UBE2D3: variants seen among roughly 807,000 people sequenced by gnomAD.
UBE2D3 encodes the protein ubiquitin conjugating enzyme E2 D3.
A neutral mutation model predicts 22.8 loss-of-function variants in UBE2D3; 2 were observed. The ratio of observed to expected loss-of-function variants is 0.09; its 90% CI spans 0.04 to 0.28. The LOEUF (loss-of-function observed/expected upper bound fraction) is 0.28. Among genes scored for constraint, UBE2D3 ranks in the 10% least tolerant of loss-of-function variants. The pLI is 1.00. For synonymous variants in UBE2D3, 56 were observed against 60.4 expected (o/e 0.93, Z 0.34); for missense variants, 27 against 182.5 (o/e 0.15, Z 4.91).
At chr4:102,820,961 A>C (rs568763075) in intron 2 of UBE2D3, among the ~76,000 whole-genome samples, 2 of 152,184 alleles carry the variant, frequency 1.3e-5, no homozygotes, top group Non-Finnish European at 2.9e-5. Flanking sequence ...ATTATGTTGA[A>C]AGTATCATTA....
chr4:102,801,606 C>T lies in UBE2D3; in HGVS notation c.199-47G>A, dbSNP rs774492407. 41 of 1,424,114 alleles carry T rather than the reference C, an allele frequency of 2.9e-5. No individual in the cohort carries two copies. The African/African-American group carries it at 5.1e-4, about 18-fold the overall frequency. The allele number at this position is 1,424,114 out of a possible 1,614,324, so 88.2% of individuals were successfully genotyped here. On this transcript the variant is annotated intron_variant, in intron 5 of 7. Transcript: ENST00000453744. ...ATTTTATTCAAATAAAAACAAACAT[C>T]TTTTAAAGCAAAACTTAAAATAATC...
chr4:102,803,180 G>A (rs911887787), intron 4 of UBE2D3, among the ~76,000 whole-genome samples: 2 of 152,114 alleles, frequency 1.3e-5, no homozygotes, highest in Admixed American at 1.3e-4. Flanking sequence ...TTATGCATGA[G>A]AAAAATGAGG....
intron 2 of UBE2D3, chr4:102,811,009 A>T (rs971902498): frequency 6.6e-6 from 1 of 152,200 alleles, no homozygotes; most frequent in Non-Finnish European, 1.5e-5. Context: ...CCTTTCTCAT[A>T]TAAACACGGA....
At chr4:102,832,007 A>G (rs572049051), upstream of UBE2D3, among the ~76,000 whole-genome samples, 1 of 152,324 alleles carries the variant, frequency 6.6e-6, no homozygotes, top group South Asian at 2.1e-4. Context: ...CATCTATAAG[A>G]AAGTCTCTTG....
rs969274899 is a variant in UBE2D3 at position 102,816,787 on chromosome 4, T to C, written c.25-6932A>G. 3.9e-5 allele frequency among the ~76,000 whole-genome samples: 6 copies of C among 152,282 alleles called. No individual in the cohort carries two copies. In the South Asian group the frequency reaches 1.2e-3, roughly 32 times the overall value. ...TCTAAAATGAAAATGTAATGTTAAT[T>C]TCACCATCAAAACATTCATTCATTC... On this transcript the variant is annotated intron_variant, in intron 2 of 7. Coordinates refer to ENST00000453744, the MANE Select transcript of UBE2D3 (RefSeq NM_181891.3).
intron 1 of UBE2D3, among the ~76,000 whole-genome samples, chr4:102,853,416 G>A (rs566706885): frequency 1.8e-4 from 27 of 152,078 alleles, no homozygotes; most frequent in Non-Finnish European, 2.5e-4. Flanking sequence ...AAAAGCTGAA[G>A]ACTGAAAACA....
intron 1 of UBE2D3, among the ~76,000 whole-genome samples, chr4:102,855,146 T>C (rs1278120981): frequency 6.6e-6 from 1 of 152,192 alleles, no homozygotes; most frequent in Non-Finnish European, 1.5e-5. Flanking sequence ...AGAGAAACAG[T>C]AGCAAAGAGA....
At chr4:102,840,017 A>G (rs1464495327) in intron 1 of UBE2D3, among the ~76,000 whole-genome samples, 1 of 152,250 alleles carries the variant, frequency 6.6e-6, no homozygotes, top group African/African-American at 2.4e-5. Flanking sequence ...CAATAAGTAT[A>G]TGAAAAATGT....
chr4:102,827,797 T>TG (rs575423884), upstream of UBE2D3: 95 of 980,438 alleles, frequency 9.7e-5, no homozygotes, highest in South Asian at 1.2e-3. Context: ...GATCATGAGC[T>TG]GGGGGGAGGG....
chr4:102,813,925 AAGG>A (rs1728425348), intron 2 of UBE2D3, among the ~76,000 whole-genome samples: 2 of 152,228 alleles, frequency 1.3e-5, no homozygotes, highest in African/African-American at 4.8e-5. Context: ...TAGAGTAGAC[AAGG>A]AGAATTGTCC....
chr4:102,819,669 C>A (rs1380414746), intron 2 of UBE2D3: 1 of 849,528 alleles, frequency 1.2e-6, no homozygotes, highest in East Asian at 1.2e-4. Context: ...AGGCCAAGTT[C>A]ATGGATTCTA....
intron 1 of UBE2D3, among the ~76,000 whole-genome samples, chr4:102,838,302 G>C (rs1191544660): frequency 2.6e-5 from 4 of 152,146 alleles, no homozygotes; most frequent in African/African-American, 9.7e-5. Context: ...GTATCTGCAT[G>C]GTGGAAGTAT....
chr4:102,817,167 T>C (rs1026221734), intron 2 of UBE2D3, among the ~76,000 whole-genome samples: 1 of 152,216 alleles, frequency 6.6e-6, no homozygotes, highest in Non-Finnish European at 1.5e-5. Flanking sequence ...GAACAAATAC[T>C]GCAGAGTTTG....
rs537301153 is a variant in UBE2D3 at position 102,815,931 on chromosome 4, T to C, written c.25-6076A>G. Among the ~76,000 whole-genome samples, 28 of 152,340 alleles carry C rather than the reference T, an allele frequency of 1.8e-4. No homozygotes were observed. The South Asian group carries it at 5.4e-3, about 29-fold the overall frequency. ...CCATTTAAATAGTATCTAATATTAC[T>C]ATTTAAAGTACCACTTAGTACCCAA... On this transcript the variant is annotated intron_variant, in intron 2 of 7. Coordinates refer to ENST00000453744, the MANE Select transcript of UBE2D3 (RefSeq NM_181891.3).
chr4:102,834,791 T>C (rs1731303019), intron 1 of UBE2D3, among the ~76,000 whole-genome samples: 1 of 151,096 alleles, frequency 6.6e-6, no homozygotes, highest in Admixed American at 6.6e-5. Flanking sequence ...TTGTCTTTTG[T>C]TTGTTTTGAG....
intron 1 of UBE2D3, among the ~76,000 whole-genome samples, chr4:102,839,389 C>T (rs1301899675): frequency 6.6e-6 from 1 of 152,108 alleles, no homozygotes; most frequent in African/African-American, 2.4e-5. Flanking sequence ...ACCTCAGCCA[C>T]CACCACCAAA....
intron 4 of UBE2D3, chr4:102,809,449 G>C (rs1727603449): frequency 1.8e-6 from 1 of 543,728 alleles, no homozygotes; most frequent in Non-Finnish European, 3.3e-6. Flanking sequence ...GTAGGTCATA[G>C]AGATGGCTAT....
intron 1 of UBE2D3, among the ~76,000 whole-genome samples, chr4:102,868,072 CTTT>C (rs11418599): frequency 2.6e-5 from 3 of 115,262 alleles, no homozygotes; most frequent in Non-Finnish European, 1.7e-5. Flanking sequence ...GCTTTAGATT[CTTT>C]TTTTTTTTTT....
chr4:102,856,248 C>G (rs1239593967), intron 1 of UBE2D3, among the ~76,000 whole-genome samples: 1 of 152,160 alleles, frequency 6.6e-6, no homozygotes, highest in Non-Finnish European at 1.5e-5. Flanking sequence ...AGCCTGTGAT[C>G]CCAGCTACTC....
Sources: allele counts gnomAD v4.1 joint callset (sites outside exome capture counted in the v4.1 genomes callset), GRCh38; gene constraint gnomAD v4.1.1; transcripts MANE v1.5; gene names NCBI Gene and HGNC (gene_info 2026-07-23, HGNC 2026-07-21).